ANKRD6: variants seen among roughly 807,000 people sequenced by gnomAD.
ANKRD6 encodes the protein ankyrin repeat domain-containing protein 6.
A neutral mutation model predicts 82.3 loss-of-function variants in ANKRD6; 56 were observed. The ratio of observed to expected loss-of-function variants is 0.68; its 90% CI spans 0.55 to 0.85. The LOEUF (loss-of-function observed/expected upper bound fraction) is 0.85. Among genes scored for constraint, ANKRD6 ranks in the 40% least tolerant of loss-of-function variants. The pLI, the probability that ANKRD6 is intolerant of heterozygous loss-of-function variation, is 0.00. For missense variants in ANKRD6, 852 were observed against 907.6 expected, an observed-to-expected ratio of 0.94 and a Z score of 0.79; for synonymous variants, 347 against 352.1, an observed-to-expected ratio of 0.99 and a Z score of 0.16.
intron 1 of ANKRD6, chr6:89,561,074 C>T (rs928298550): frequency 6.6e-6 from 1 of 152,202 alleles, no homozygotes; most frequent in African/African-American, 2.4e-5. Context: ...CCTCCCAAGC[C>T]TTCTGTCAGT....
chr6:89,448,991 C>T (rs982195673), intron 1 of ANKRD6, among the ~76,000 whole-genome samples: 78 of 141,176 alleles, frequency 5.5e-4, no homozygotes, highest in African/African-American at 1.6e-3. Context: ...GATCGCGCCA[C>T]TGCACTCCAA....
At chr6:89,451,671 T>C (rs1772840366) in intron 1 of ANKRD6, among the ~76,000 whole-genome samples, 1 of 152,222 alleles carries the variant, frequency 6.6e-6, no homozygotes, top group Non-Finnish European at 1.5e-5. Flanking sequence ...AACTAACTAA[T>C]TTATATTCTT....
At chr6:89,573,721 G>T (rs898007671) in intron 2 of ANKRD6, among the ~76,000 whole-genome samples, 4 of 152,218 alleles carry the variant, frequency 2.6e-5, no homozygotes, top group Admixed American at 2.0e-4. Flanking sequence ...CCTAGGCAGA[G>T]AATTATTTTG....
chr6:89,614,826 G>A lies in ANKRD6; in HGVS notation c.615+936G>A, dbSNP rs1214647271. Among the ~76,000 whole-genome samples the A allele has an allele frequency of 4.0e-4, 50 of 124,198 alleles. No individual in the cohort carries two copies. The Admixed American group carries it at 4.4e-3, about 11-fold the overall frequency. The allele number at this position is 124,198 out of a possible 152,430, so 81.5% of individuals were successfully genotyped here. On this transcript the variant is annotated intron_variant, in intron 7 of 15. Coordinates refer to ENST00000339746, the MANE Select transcript of ANKRD6 (RefSeq NM_001242809.2). ...AGTCTGGGCAACAGAATGAGACCCC[G>A]TCTCTTTAAAGGAAAAAAAAAAAAA...
chr6:89,515,856 A>G (rs187549254), intron 1 of ANKRD6, among the ~76,000 whole-genome samples: 4 of 152,354 alleles, frequency 2.6e-5, no homozygotes, highest in East Asian at 1.9e-4. Context: ...ATATATCCTT[A>G]TAAGAAAGAC....
At chr6:89,437,122 A>G (rs2127924403) in intron 1 of ANKRD6, among the ~76,000 whole-genome samples, 1 of 152,290 alleles carries the variant, frequency 6.6e-6, no homozygotes, top group Non-Finnish European at 1.5e-5. Context: ...CATAGCTTTC[A>G]TCAGATTCTC....
intron 1 of ANKRD6, among the ~76,000 whole-genome samples, chr6:89,454,262 G>A (rs1773241146): frequency 6.6e-6 from 1 of 152,170 alleles, no homozygotes; most frequent in Non-Finnish European, 1.5e-5. Context: ...CCCATGGTCA[G>A]CTATTTCTTC....
chr6:89,609,062 C>T (rs796925009), intron 5 of ANKRD6, among the ~76,000 whole-genome samples: 6 of 152,342 alleles, frequency 3.9e-5, no homozygotes, highest in Admixed American at 1.3e-4. Context: ...TCTCCCTCCC[C>T]GAAGACCCAC....
intron 1 of ANKRD6, among the ~76,000 whole-genome samples, chr6:89,479,719 C>A (rs982053888): frequency 6.6e-6 from 1 of 150,758 alleles, no homozygotes; most frequent in Non-Finnish European, 1.5e-5. Context: ...TGTGCTGCAC[C>A]CATTAACTCA....
intron 2 of ANKRD6, among the ~76,000 whole-genome samples, chr6:89,574,596 C>T (rs768818224): frequency 6.6e-6 from 1 of 152,212 alleles, no homozygotes; most frequent in Non-Finnish European, 1.5e-5. Context: ...GAATTTCTTA[C>T]ACTTTGATAG....
rs894898205 is a variant in ANKRD6, at chr6:89,442,287, C to T, written c.-144+8912C>T. On this transcript the variant is annotated intron_variant, in intron 1 of 15. Coordinates refer to ENST00000339746, the MANE Select transcript of ANKRD6 (RefSeq NM_001242809.2). ...CTGGGATTACAGGCCTGAGCCACTG[C>T]GCCTGGCCCATCAGCTTGGTTTTAT... Among the ~76,000 whole-genome samples, 15 of 152,168 alleles carry T rather than the reference C, an allele frequency of 9.9e-5. No individual in the cohort carries two copies. The South Asian group carries it at 1.2e-3, about 13-fold the overall frequency.
chr6:89,463,448 A>G (rs543564942), intron 1 of ANKRD6, among the ~76,000 whole-genome samples: 1 of 152,326 alleles, frequency 6.6e-6, no homozygotes, highest in Admixed American at 6.5e-5. Context: ...TGAATTACCA[A>G]AAATTAAAGT....
chr6:89,539,161 A>C (rs1298333737), intron 1 of ANKRD6, among the ~76,000 whole-genome samples: 3 of 152,178 alleles, frequency 2.0e-5, no homozygotes. Flanking sequence ...TTATAAATTT[A>C]AGGTGAATTA....
At chr6:89,629,390 C>A (rs566861212) in intron 15 of ANKRD6, 152 bp downstream of exon 15, 6 of 1,081,444 alleles carry the variant, frequency 5.5e-6, no homozygotes, top group Non-Finnish European at 8.2e-6. Flanking sequence ...GTATTTTGCT[C>A]GTAACCATAT....
chr6:89,473,413 A>G (rs1582795317), intron 1 of ANKRD6, among the ~76,000 whole-genome samples: 2 of 152,048 alleles, frequency 1.3e-5, no homozygotes, highest in East Asian at 1.9e-4. Flanking sequence ...AAAAAAAAAA[A>G]AAAGAAAGAA....
In ANKRD6 at chr6:89,603,105, G is replaced by A. The variant is rs777966832; in HGVS notation, c.296G>A (p.Cys99Tyr). The A allele has an allele frequency of 2.6e-5, 42 of 1,605,812 alleles. No homozygotes were observed. Among genetic ancestry groups the A allele is most frequent in the Non-Finnish European group, 3.4e-5 (40 of 1,176,664 alleles). Reference protein sequence around the residue: ...EIIAALIHEGCALDRQDKDGN... With the variant: ...EIIAALIHEGYALDRQDKDGN... ...ATCGCGGCGCTCATCCACGAAGGGT[G>A]TGCCCTGGACAGACAAGACAAGGTG... The change falls in exon 4 of 16, where the codon TGT becomes TAT. Residue 99 changes from cysteine to tyrosine, a missense_variant. Coordinates refer to ENST00000339746, the MANE Select transcript of ANKRD6 (RefSeq NM_001242809.2).
intron 1 of ANKRD6, among the ~76,000 whole-genome samples, chr6:89,559,188 A>G (rs987572640): frequency 1.3e-5 from 2 of 152,208 alleles, no homozygotes; most frequent in African/African-American, 4.8e-5. Flanking sequence ...TTCTAACACC[A>G]TCACTGGTCT....
chr6:89,569,691 C>A (rs1241567474), intron 2 of ANKRD6, among the ~76,000 whole-genome samples: 2 of 152,182 alleles, frequency 1.3e-5, no homozygotes, highest in Non-Finnish European at 2.9e-5. Context: ...AATACCTGTA[C>A]CATTTTACAT....
At chr6:89,456,231 G>T (rs994864535) in intron 1 of ANKRD6, among the ~76,000 whole-genome samples, 2 of 152,084 alleles carry the variant, frequency 1.3e-5, no homozygotes, top group Non-Finnish European at 1.5e-5. Flanking sequence ...CTCCCAGCAG[G>T]CCCCACTTTT....
Sources: gnomAD v4.1 joint callset for allele counts (sites outside exome capture counted in the v4.1 genomes callset) on GRCh38, gnomAD v4.1.1 for gene constraint, MANE v1.5 for transcripts, NCBI Gene and HGNC (gene_info 2026-07-23, HGNC 2026-07-21) for gene names.